The following CSTPP1 variants were observed in gnomAD, a reference collection of about 807,000 sequenced individuals.
CSTPP1 encodes centriolar satellite-associated tubulin polyglutamylase complex regulator 1.
At chr11:47,112,886 A>T in the CSTPP1 span, among the ~76,000 whole-genome samples, 1 of 152,138 alleles carries the variant, frequency 6.6e-6, no homozygotes, top group Admixed American at 6.5e-5. Flanking sequence ...ACATGTGCAC[A>T]ATCTGCAGGT....
chr11:46,965,280 C>T, the CSTPP1 span, among the ~76,000 whole-genome samples: 1 of 137,390 alleles, frequency 7.3e-6, no homozygotes, highest in African/African-American at 2.9e-5. Flanking sequence ...GGCTGGAATG[C>T]AGTGGTGCAA....
the CSTPP1 span, among the ~76,000 whole-genome samples, chr11:46,980,221 A>C: frequency 1.3e-5 from 2 of 152,172 alleles, no homozygotes; most frequent in African/African-American, 4.8e-5. Context: ...GTTGAGGGAA[A>C]TAGACTTTAG....
the CSTPP1 span, among the ~76,000 whole-genome samples, chr11:47,106,938 A>G: frequency 2.0e-5 from 3 of 152,250 alleles, no homozygotes; most frequent in African/African-American, 7.2e-5. Flanking sequence ...GCCTGGTCAC[A>G]TGGCTGTGCC....
chr11:46,986,564 A>G, the CSTPP1 span, among the ~76,000 whole-genome samples: 1 of 151,928 alleles, frequency 6.6e-6, no homozygotes, highest in Non-Finnish European at 1.5e-5. Flanking sequence ...GGTTCAAGCA[A>G]TTCCCCTGCC....
At chr11:47,046,135 G>A in the CSTPP1 span, among the ~76,000 whole-genome samples, 1 of 151,884 alleles carries the variant, frequency 6.6e-6, no homozygotes, top group Non-Finnish European at 1.5e-5. Context: ...GTAGGTATGG[G>A]GGTGAATTTT....
At chr11:47,135,489 C>T in the CSTPP1 span, among the ~76,000 whole-genome samples, 1 of 152,178 alleles carries the variant, frequency 6.6e-6, no homozygotes, top group Non-Finnish European at 1.5e-5. Flanking sequence ...AGTCTTACCA[C>T]TTATAGTTCT....
chr11:47,140,232 G>A, the CSTPP1 span, among the ~76,000 whole-genome samples: 31 of 151,890 alleles, frequency 2.0e-4, no homozygotes, highest in African/African-American at 7.0e-4. Flanking sequence ...GGTAAAAGCC[G>A]CAGTTCAGGT....
chr11:46,956,275 C>A, the CSTPP1 span, among the ~76,000 whole-genome samples: 1 of 152,206 alleles, frequency 6.6e-6, no homozygotes, highest in East Asian at 1.9e-4. Flanking sequence ...AAGATCCCCA[C>A]TTTAAGAAGC....
the CSTPP1 span, among the ~76,000 whole-genome samples, chr11:46,983,963 T>G: frequency 1.3e-5 from 2 of 152,176 alleles, no homozygotes; most frequent in Non-Finnish European, 1.5e-5. Flanking sequence ...TAGGAATGGA[T>G]GGGATGGTTC....
At chr11:47,041,681 G>T in the CSTPP1 span, 2 of 478,066 alleles carry the variant, frequency 4.2e-6, no homozygotes, top group South Asian at 1.8e-5. Flanking sequence ...GCTGCACCCT[G>T]GCTGGGGTCA....
chr11:47,161,073 T>C, the CSTPP1 span: 3 of 1,608,944 alleles, frequency 1.9e-6, no homozygotes, highest in East Asian at 4.5e-5. Flanking sequence ...GAGGAATCTG[T>C]TGCCTGGCTG....
At chr11:46,995,158 C>T in the CSTPP1 span, among the ~76,000 whole-genome samples, 1 of 151,864 alleles carries the variant, frequency 6.6e-6, no homozygotes, top group East Asian at 1.9e-4. Flanking sequence ...CTATTTGATT[C>T]TTCTCTCTTT....
chr11:47,081,478 G>A, the CSTPP1 span, among the ~76,000 whole-genome samples: 9 of 152,088 alleles, frequency 5.9e-5, no homozygotes, highest in Non-Finnish European at 8.8e-5. Context: ...ATAAAAGCCC[G>A]TTGAGATTAA....
the CSTPP1 span, among the ~76,000 whole-genome samples, chr11:46,973,029 C>T: frequency 6.6e-6 from 1 of 152,104 alleles, no homozygotes; most frequent in Non-Finnish European, 1.5e-5. Flanking sequence ...AGATAATAAT[C>T]CCAGCCTTAT....
chr11:47,095,666 T>C, the CSTPP1 span, among the ~76,000 whole-genome samples: 23 of 152,298 alleles, frequency 1.5e-4, no homozygotes, highest in African/African-American at 5.5e-4. Context: ...CATATCTTAT[T>C]TGAGCCAAAA....
chr11:47,107,367 C>T, the CSTPP1 span, among the ~76,000 whole-genome samples: 8 of 152,160 alleles, frequency 5.3e-5, no homozygotes, highest in Non-Finnish European at 1.0e-4. Flanking sequence ...TCATTGCTCA[C>T]TGTAGTATAA....
chr11:46,973,162 CAGTA>C, the CSTPP1 span, among the ~76,000 whole-genome samples: 1 of 152,164 alleles, frequency 6.6e-6, no homozygotes. Flanking sequence ...GTTTAAAACA[CAGTA>C]AGCACTGAAG....
At chr11:47,024,065 T>C in the CSTPP1 span, among the ~76,000 whole-genome samples, 2 of 152,002 alleles carry the variant, frequency 1.3e-5, no homozygotes, top group South Asian at 2.1e-4. Flanking sequence ...TTTTTTTTTT[T>C]CTAAGTGAGA....
At chr11:47,061,672 C>T in the CSTPP1 span, among the ~76,000 whole-genome samples, 2 of 152,188 alleles carry the variant, frequency 1.3e-5, no homozygotes, top group Admixed American at 1.3e-4. Context: ...TCACCTGCTC[C>T]AGCCAGTGCA....
Sources: gnomAD v4.1 joint callset for allele counts (sites outside exome capture counted in the v4.1 genomes callset) on GRCh38, gnomAD v4.1.1 for gene constraint, MANE v1.5 for transcripts, NCBI Gene and HGNC (gene_info 2026-07-23, HGNC 2026-07-21) for gene names.